Variants in RPS6KA2 observed in about 807,000 individuals in gnomAD.
RPS6KA2 encodes ribosomal protein S6 kinase A2.
A neutral mutation model predicts 91.8 loss-of-function variants in RPS6KA2; 42 were observed. The ratio of observed to expected loss-of-function variants is 0.46; its 90% CI spans 0.36 to 0.59. RPS6KA2 has a LOEUF of 0.59. Ranked by LOEUF, RPS6KA2 falls within the 20% of genes least tolerant of loss-of-function variation. The pLI, the probability that RPS6KA2 is intolerant of heterozygous loss-of-function variation, is 0.00. For missense variants in RPS6KA2, 798 were observed against 978.5 expected (o/e 0.82, Z 2.46); for synonymous variants, 414 against 393.6 (o/e 1.05, Z -0.61).
chr6:166,582,742 C>T (rs772611396), intron 1 of RPS6KA2, among the ~76,000 whole-genome samples: 2 of 152,090 alleles, frequency 1.3e-5, no homozygotes, highest in East Asian at 1.9e-4. Flanking sequence ...AAAGCCAGAA[C>T]GCTTTGAAAG....
chr6:166,718,744 C>T (rs936274801), intron 2 of RPS6KA2, among the ~76,000 whole-genome samples: 3 of 152,170 alleles, frequency 2.0e-5, no homozygotes, highest in African/African-American at 7.2e-5. Flanking sequence ...ACAGAGGTGA[C>T]ATAAACTTGG....
chr6:166,456,658 T>C (rs1044550459), intron 12 of RPS6KA2, among the ~76,000 whole-genome samples: 5 of 152,222 alleles, frequency 3.3e-5, no homozygotes, highest in African/African-American at 1.2e-4. Context: ...TTGTAGCTTA[T>C]CCATTGCTTC....
chr6:166,699,291 G>T (rs752799869), intron 2 of RPS6KA2, among the ~76,000 whole-genome samples: 1 of 152,210 alleles, frequency 6.6e-6, no homozygotes, highest in Non-Finnish European at 1.5e-5. Context: ...CACAAAGGAA[G>T]TGGGTTCTCA....
intron 2 of RPS6KA2, among the ~76,000 whole-genome samples, chr6:166,676,664 T>C (rs949759219): frequency 1.3e-5 from 2 of 152,232 alleles, no homozygotes; most frequent in African/African-American, 4.8e-5. Context: ...GGGCATCAGA[T>C]AATAAGACTT....
In RPS6KA2 at chr6:166,852,359, C is replaced by T. The variant is rs1284618704; in HGVS notation, c.123+5841G>A. On this transcript the variant is annotated intron_variant, in intron 2 of 21. Transcript: ENST00000503859. This position sits in a 1 kb window ranked among gnomAD's most constrained non-coding sequence, Gnocchi z 4.1. ...ACAGTAATTGCATTGCTCTTAATTG[C>T]TTCATTAGTGCCTGGGCTTCATTAT... Among the ~76,000 whole-genome samples the T allele has an allele frequency of 2.6e-5, 4 of 152,170 alleles. No homozygotes were observed. Among genetic ancestry groups the T allele is most frequent in the Admixed American group, 2.0e-4 (3 of 15,282 alleles).
At chr6:166,580,987 T>C (rs1784991232) in intron 1 of RPS6KA2, among the ~76,000 whole-genome samples, 1 of 152,120 alleles carries the variant, frequency 6.6e-6, no homozygotes, top group East Asian at 1.9e-4. Context: ...CTGCAACCTC[T>C]GCCTCCCAGG....
In RPS6KA2 at chr6:166,430,626, A is replaced by G; in HGVS notation, c.1423-15T>C. 2 of 1,605,640 alleles carry G rather than the reference A, an allele frequency of 1.2e-6. No individual in the cohort carries two copies. The highest frequency in any genetic ancestry group is 1.7e-6 in the Non-Finnish European group (2 of 1,174,176). ...TCATCATAGACCTGCGGAGTGGAGA[A>G]GGGGCGCACACGTCACCACGGCTGG... On this transcript the variant is annotated splice_polypyrimidine_tract_variant and intron_variant, in intron 15 of 20. Coordinates refer to ENST00000265678, the MANE Select transcript of RPS6KA2 (RefSeq NM_021135.6).
chr6:166,505,663 C>A (rs1321166104), intron 5 of RPS6KA2, among the ~76,000 whole-genome samples: 1 of 152,230 alleles, frequency 6.6e-6, no homozygotes, highest in Non-Finnish European at 1.5e-5. Flanking sequence ...CAGCCGGGCA[C>A]CCGCTTCACA....
At chr6:166,735,668 C>T in intron 2 of RPS6KA2, among the ~76,000 whole-genome samples, 1 of 136,498 alleles carries the variant, frequency 7.3e-6, no homozygotes, top group East Asian at 2.1e-4. Context: ...GTGCACAGTT[C>T]ACAATAGGGT....
intron 16 of RPS6KA2, among the ~76,000 whole-genome samples, chr6:166,428,841 C>T (rs1309824979): frequency 6.6e-6 from 1 of 151,278 alleles, no homozygotes; most frequent in Admixed American, 6.6e-5. Flanking sequence ...GTTGGTGGGA[C>T]TGTAAACTAG....
intron 2 of RPS6KA2, among the ~76,000 whole-genome samples, chr6:166,708,682 C>T (rs906452546): frequency 1.3e-5 from 2 of 152,192 alleles, no homozygotes; most frequent in African/African-American, 4.8e-5. Flanking sequence ...GTGCACACTG[C>T]TAAACAGGCT....
intron 1 of RPS6KA2, chr6:166,586,308 C>T (rs1179739947): frequency 1.5e-5 from 24 of 1,599,026 alleles, no homozygotes; most frequent in East Asian, 4.5e-5. Flanking sequence ...GTCTTGCAAC[C>T]GATTGCCTCT....
intron 14 of RPS6KA2, among the ~76,000 whole-genome samples, chr6:166,446,012 T>TA (rs11371069): frequency 0.18 from 26,804 of 152,198 alleles, 5,434 homozygotes; most frequent in African/African-American, 0.5. Context: ...AGTCAGCAGA[T>TA]ACAGACAAAG....
intron 2 of RPS6KA2, among the ~76,000 whole-genome samples, chr6:166,774,487 G>A (rs544095521): frequency 6.6e-5 from 10 of 152,262 alleles, no homozygotes; most frequent in African/African-American, 2.2e-4. Context: ...TGCTGTGACT[G>A]TCCCTGCTGC....
chr6:166,422,480 A>G (rs1228203956), intron 17 of RPS6KA2, among the ~76,000 whole-genome samples: 1 of 152,164 alleles, frequency 6.6e-6, no homozygotes, highest in Non-Finnish European at 1.5e-5. Context: ...GGATCCACAC[A>G]GACTCTGAAG....
rs1288173942 is a variant in RPS6KA2, at chr6:166,603,919, T to C, written c.99+23002A>G. 2.6e-5 allele frequency among the ~76,000 whole-genome samples: 4 copies of C among 152,114 alleles called. No homozygotes were observed. Among genetic ancestry groups the C allele is most frequent in the Non-Finnish European group, 5.9e-5 (4 of 68,022 alleles). ...AAACTGGATTGCCGCAAAGCTGACA[T>C]GTTGGAAGGGGTGAGATGAGAGCTA... On this transcript the variant is annotated intron_variant, in intron 1 of 20. Coordinates refer to ENST00000265678, the MANE Select transcript of RPS6KA2 (RefSeq NM_021135.6). The surrounding 1 kb of genome is among the most constrained non-coding windows in gnomAD (Gnocchi z 4.3).
At chr6:166,840,065 G>T (rs1780427841) in intron 2 of RPS6KA2, among the ~76,000 whole-genome samples, 1 of 152,030 alleles carries the variant, frequency 6.6e-6, no homozygotes, top group Admixed American at 6.6e-5. Context: ...TTGTTTGCAG[G>T]AAGTAAAAAT....
chr6:166,807,748 G>T (rs149746416), intron 2 of RPS6KA2, among the ~76,000 whole-genome samples: 282 of 152,204 alleles, frequency 1.9e-3, no homozygotes, highest in African/African-American at 6.6e-3. Context: ...TGCCTGGAGT[G>T]TCCTGAGCTC....
chr6:166,651,654 C>T (rs1386205988), intron 2 of RPS6KA2, among the ~76,000 whole-genome samples: 1 of 152,230 alleles, frequency 6.6e-6, no homozygotes, highest in African/African-American at 2.4e-5. Flanking sequence ...TGCCACATGC[C>T]ACTAATCTTG....
Sources: allele counts gnomAD v4.1 joint callset (sites outside exome capture counted in the v4.1 genomes callset), GRCh38; gene constraint gnomAD v4.1.1; non-coding constraint Gnocchi (gnomAD v3.1); transcripts MANE v1.5; gene names NCBI Gene and HGNC (gene_info 2026-07-23, HGNC 2026-07-21).